EVC: variants seen among roughly 807,000 people sequenced by gnomAD.
EVC encodes EvC ciliary complex subunit 1.
EVC carries 116 observed loss-of-function variants against 118.9 expected under a neutral mutation model. The observed-to-expected ratio is 0.98, with a 90% CI of 0.84 to 1.14. The LOEUF is 1.14. Ranked by LOEUF, EVC falls within the 50% of genes most tolerant of loss-of-function variation. The pLI, the probability that EVC is intolerant of heterozygous loss-of-function variation, is 0.00. For missense variants in EVC, 1,401 were observed against 1,246.4 expected (o/e 1.12, Z -1.87); for synonymous variants, 619 against 534.7 (o/e 1.16, Z -2.18).
In EVC at chr4:5,745,204, G is replaced by A. The variant is rs915103359; in HGVS notation, c.802G>A (p.Asp268Asn). 1 of 1,612,762 alleles carries A rather than the reference G, an allele frequency of 6.2e-7. No individual in the cohort carries two copies. Among genetic ancestry groups the A allele is most frequent in the Non-Finnish European group, 8.5e-7 (1 of 1,179,558 alleles). ...YQKILSKQEK[D>N]LEELEKGLQV... ...TTTCTTTTTTCTTCTTCTTCTTCAG[G>A]ATTTGGAGGAACTAGAAAAGGGACT... The change falls in exon 7 of 21, where the codon GAT (aspartate) becomes AAT (asparagine). Residue 268 changes from aspartate (D) to asparagine (N), a missense_variant and splice_region_variant. Coordinates refer to ENST00000264956, the MANE Select transcript of EVC (RefSeq NM_153717.3).
chr4:5,815,594 C>T (rs1334315248), downstream of EVC, among the ~76,000 whole-genome samples: 1 of 152,138 alleles, frequency 6.6e-6, no homozygotes, highest in Non-Finnish European at 1.5e-5. Flanking sequence ...CTCCTCCTCC[C>T]CAGAGAAGAA....
At chr4:5,794,394 A>G (rs994240229) in intron 13 of EVC, among the ~76,000 whole-genome samples, 7 of 125,192 alleles carry the variant, frequency 5.6e-5, no homozygotes, top group Non-Finnish European at 8.6e-5. Context: ...TATATTTTTT[A>G]TATATATATA....
chr4:5,751,202 A>G (rs1424149630), intron 8 of EVC, among the ~76,000 whole-genome samples: 2 of 152,182 alleles, frequency 1.3e-5, no homozygotes, highest in African/African-American at 4.8e-5. Flanking sequence ...CTGTGTGGCA[A>G]GGGTCAGGTG....
At position 5,811,341 on chromosome 4, in the gene EVC, GCCTCAGGCCAAGGAC is replaced by G. The variant is rs1716883085; in HGVS notation, c.*307_*321del. 2.5e-6 allele frequency: 1 copy of G among 397,768 alleles called. No individual in the cohort carries two copies. Among genetic ancestry groups the G allele is most frequent in the African/African-American group, 2.1e-5 (1 of 48,654 alleles). The allele number at this position is 397,768 out of a possible 1,614,324, so 24.6% of individuals were successfully genotyped here. A position where few individuals can be genotyped will look rare whatever the true frequency, so the allele number is the denominator to read the frequency against. ...AGGAGGGACGTCTTGAGGGGTCCGA[GCCTCAGGCCAAGGAC>G]CCCTGATGCAGACTCTGGAATCCCT... is the stretch of plus-strand genomic sequence containing the variant. On this transcript the variant is annotated 3_prime_UTR_variant, in exon 21 of 21. Coordinates refer to ENST00000264956, the MANE Select transcript of EVC (RefSeq NM_153717.3).
chr4:5,761,942 T>G (rs1480267172), intron 11 of EVC, among the ~76,000 whole-genome samples: 3 of 151,616 alleles, frequency 2.0e-5, no homozygotes, highest in Admixed American at 2.0e-4. Context: ...AGGGTACATG[T>G]GCACAATGTG....
Position 5,811,137 on chromosome 4 carries a change from C to A in EVC, c.*100C>A. 1.1e-6 allele frequency: 1 copy of A among 924,374 alleles called. No individual in the cohort carries two copies. The highest frequency in any genetic ancestry group is 1.7e-6 in the Non-Finnish European group (1 of 576,114). 57.3% of individuals were successfully genotyped at this position (924,374 alleles called of 1,614,324 possible). The stretch of plus-strand genomic sequence containing the variant: ...TGAGAGGCAGCGAGGACGGAGAGGA[C>A]AGCGGCATCTCTAGGCTCTTCTGAG... On this transcript the variant is annotated 3_prime_UTR_variant, in exon 21 of 21. Coordinates refer to ENST00000264956, the MANE Select transcript of EVC (RefSeq NM_153717.3).
rs759359327 is a variant in EVC at position 5,810,394 on chromosome 4, G to C, written c.2838G>C (p.Leu946=). The change falls in exon 20 of 21, where the codon CTG becomes CTC. Residue 946 remains leucine (L), a synonymous_variant. Coordinates refer to ENST00000264956, the MANE Select transcript of EVC (RefSeq NM_153717.3). ...CCCTGCCCCAGGAAAGAGGGGACCT[G>C]GGGGTGCCCAACAATGAGGACCTTG... ...KKPLPQERGD[L]GVPNNEDLAS... is the part of the protein sequence containing the mutation. The C allele has an allele frequency of 6.2e-7, 1 of 1,613,854 alleles. No homozygotes were observed. Among genetic ancestry groups the C allele is most frequent in the African/African-American group, 1.3e-5 (1 of 75,026 alleles).
rs147183994 is a variant in EVC at position 5,773,714 on chromosome 4, A to G, written c.1564-9838A>G. Among the ~76,000 whole-genome samples, 6 of 152,156 alleles carry G rather than the reference A, an allele frequency of 3.9e-5. No individual in the cohort carries two copies. The East Asian group carries it at 1.2e-3, about 29-fold the overall frequency. On this transcript the variant is annotated intron_variant, in intron 11 of 20. Coordinates refer to ENST00000264956, the MANE Select transcript of EVC (RefSeq NM_153717.3). ...TTTTTAAGGGAGTTGGCCCATGGTC[A>G]TGCTTCTGGTGGATGGCCCAGTACT...
chr4:5,767,317 G>A (rs1490910565), intron 11 of EVC, among the ~76,000 whole-genome samples: 1 of 141,954 alleles, frequency 7.0e-6, no homozygotes. Flanking sequence ...GTCAGACAGG[G>A]ACATTTAAGT....
At chr4:5,793,542 C>G (rs1389669423) in intron 12 of EVC, 66 bp from the exon 13 acceptor site, 8 of 1,348,000 alleles carry the variant, frequency 5.9e-6, no homozygotes, top group Non-Finnish European at 8.3e-6. Context: ...AATGCACAAT[C>G]CTAGCAAGCA....
At chr4:5,778,206 T>C (rs34031416) in intron 11 of EVC, among the ~76,000 whole-genome samples, 12,691 of 151,526 alleles carry the variant, frequency 0.084, 598 homozygotes, top group Middle Eastern at 0.14. Context: ...CCATGGTGTA[T>C]ATGTGACACA....
intron 3 of EVC, among the ~76,000 whole-genome samples, chr4:5,730,180 T>C (rs1342883416): frequency 6.6e-6 from 1 of 152,154 alleles, no homozygotes; most frequent in Non-Finnish European, 1.5e-5. Flanking sequence ...TGCTCCTGCC[T>C]CGCCCAGTTG....
chr4:5,794,273 A>ATATT (rs1389939410), intron 13 of EVC, among the ~76,000 whole-genome samples: 126 of 139,402 alleles, frequency 9.0e-4, no homozygotes, highest in Non-Finnish European at 1.6e-3. Flanking sequence ...ATATATTTAT[A>ATATT]TATATTTATA....
chr4:5,818,641 G>A (rs975788898), downstream of EVC, among the ~76,000 whole-genome samples: 6 of 152,122 alleles, frequency 3.9e-5, no homozygotes, highest in African/African-American at 1.4e-4. Flanking sequence ...ATAAGCAGAG[G>A]AAGCGAGACC....
At chr4:5,810,903 T>A in intron 20 of EVC, 50 bp from the exon 21 acceptor site, 2 of 1,512,190 alleles carry the variant, frequency 1.3e-6, no homozygotes, top group Non-Finnish European at 1.8e-6. Flanking sequence ...GGCATCATGA[T>A]GGGCATGGAG....
At chr4:5,794,305 T>A (rs1239374038) in intron 13 of EVC, among the ~76,000 whole-genome samples, 5 of 96,374 alleles carry the variant, frequency 5.2e-5, no homozygotes, top group Non-Finnish European at 8.8e-5. Context: ...ATATTTATAT[T>A]TTTATATATT....
chr4:5,824,359 TA>T, the EVC span: 5 of 985,372 alleles, frequency 5.1e-6, no homozygotes, highest in Non-Finnish European at 3.6e-6. Flanking sequence ...ATCAAAGTCT[TA>T]TGGAGAGTGA....
At chr4:5,765,055 T>C (rs202160660) in intron 11 of EVC, among the ~76,000 whole-genome samples, 71,258 of 107,222 alleles carry the variant, frequency 0.66, 29,992 homozygotes, top group Middle Eastern at 0.72. Flanking sequence ...TATAAATTTC[T>C]CTCTACACAC....
chr4:5,783,833 C>T, intron 12 of EVC, 69 bp downstream of exon 12: 1 of 1,438,004 alleles, frequency 7.0e-7, no homozygotes, highest in Non-Finnish European at 9.6e-7. Context: ...CGTGAGAGAT[C>T]TCACGTCCTG....
Sources: gnomAD v4.1 joint callset for allele counts (sites outside exome capture counted in the v4.1 genomes callset) on GRCh38, gnomAD v4.1.1 for gene constraint, MANE v1.5 for transcripts, NCBI Gene and HGNC (gene_info 2026-07-23, HGNC 2026-07-21) for gene names.